Variants in PAX8 observed in about 807,000 individuals in gnomAD.
The protein encoded by PAX8 is paired box protein Pax-8.
In PAX8, 15 loss-of-function variants were observed where a neutral mutation model predicts 52.4. The observed-to-expected ratio is 0.29, with a 90% confidence interval of 0.19 to 0.44. PAX8 has a LOEUF of 0.44. Among genes scored for constraint, PAX8 ranks in the 20% least tolerant of loss-of-function variants. The pLI is 1.00. For missense variants in PAX8, 554 were observed against 602.5 expected, an observed-to-expected ratio of 0.92 and a Z score of 0.84; for synonymous variants, 284 against 249.7, an observed-to-expected ratio of 1.14 and a Z score of -1.29.
chr2:113,226,660 A>G, intron 10 of PAX8: 4 of 1,088,004 alleles, frequency 3.7e-6, no homozygotes, highest in South Asian at 2.7e-5. Context: ...CATCATCATC[A>G]TCGTCATCGT....
chr2:113,235,374 C>T lies in PAX8; in HGVS notation c.1087+20G>A, dbSNP rs1573435266. 6.4e-7 allele frequency: 1 copy of T among 1,552,932 alleles called. No homozygotes were observed. Among genetic ancestry groups the T allele is most frequent in the Admixed American group, 1.9e-5 (1 of 51,402 alleles). On this transcript the variant is annotated intron_variant, in intron 9 of 11. Coordinates refer to ENST00000429538, the MANE Select transcript of PAX8 (RefSeq NM_003466.4). Reference sequence around the variant, plus strand: ...CACCCGCCGCCATAGCTGCATGGCCCCGGGACCTCCCTGTCGTACCTGAGA... The same window carrying T: ...CACCCGCCGCCATAGCTGCATGGCCTCGGGACCTCCCTGTCGTACCTGAGA...
At chr2:113,233,415 C>T (rs1478246419) in intron 9 of PAX8, among the ~76,000 whole-genome samples, 2 of 151,318 alleles carry the variant, frequency 1.3e-5, no homozygotes, top group Non-Finnish European at 2.9e-5. Flanking sequence ...GGTGCAGTGG[C>T]TCACACCTGT....
chr2:113,237,570 C>T (rs779036064), intron 7 of PAX8: 1 of 152,144 alleles, frequency 6.6e-6, no homozygotes, highest in African/African-American at 2.4e-5. Context: ...TGTCAAGTAC[C>T]TGGGGGTCTT....
At chr2:113,260,384 G>A (rs1692579127) in intron 2 of PAX8, among the ~76,000 whole-genome samples, 1 of 151,942 alleles carries the variant, frequency 6.6e-6, no homozygotes, top group African/African-American at 2.4e-5. Context: ...TGTGTGTTGG[G>A]GATGGGGATG....
chr2:113,266,603 C>T (rs1239674693), intron 2 of PAX8: 3 of 152,216 alleles, frequency 2.0e-5, no homozygotes, highest in African/African-American at 7.2e-5. Context: ...TCCAGCCTCA[C>T]GTCAGCTGGA....
Position 113,227,254 on chromosome 2 carries a change from G to A in PAX8, c.1090C>T (p.Arg364Ter). Residue 364 changes from arginine to a stop codon, truncating the protein, a stop_gained and splice_region_variant, in exon 10 of 12, where the codon CGA becomes TGA. Coordinates refer to ENST00000429538, the MANE Select transcript of PAX8 (RefSeq NM_003466.4). LOFTEE classifies it high-confidence loss of function. ...GGCAGCGTGGGCCCCACCATCTCTC[G>A]CCCTGGAAAAATACAGCAAAGAGTC... ...QFTGQALLSG[R>*]EMVGPTLPGY... 1 of 1,607,342 alleles carries A rather than the reference G, an allele frequency of 6.2e-7. No individual in the cohort carries two copies. Among genetic ancestry groups the A allele is most frequent in the Non-Finnish European group, 8.5e-7 (1 of 1,177,312 alleles).
chr2:113,259,953 G>C (rs561056137), intron 2 of PAX8, among the ~76,000 whole-genome samples: 2 of 152,194 alleles, frequency 1.3e-5, no homozygotes, highest in African/African-American at 2.4e-5. Flanking sequence ...CCGAACACGC[G>C]TTTAGATGCT....
chr2:113,265,257 A>G (rs1692972691), intron 2 of PAX8, among the ~76,000 whole-genome samples: 1 of 152,248 alleles, frequency 6.6e-6, no homozygotes, highest in Non-Finnish European at 1.5e-5. Context: ...CAAGAAGGAT[A>G]TGAAAACTGC....
chr2:113,265,049 G>A (rs1302146261), intron 2 of PAX8, among the ~76,000 whole-genome samples: 1 of 152,236 alleles, frequency 6.6e-6, no homozygotes, highest in Non-Finnish European at 1.5e-5. Context: ...GAAGTGCAAG[G>A]AGAAATCTGA....
At chr2:113,271,555 G>A (rs938645181) in intron 2 of PAX8, 2 of 151,748 alleles carry the variant, frequency 1.3e-5, no homozygotes, top group African/African-American at 4.9e-5. Context: ...GGAAAGGGGT[G>A]TATTTTAATT....
intron 8 of PAX8, 40 bp downstream of exon 8, chr2:113,236,561 C>T (rs1278810794): frequency 6.5e-7 from 1 of 1,543,512 alleles, no homozygotes; most frequent in Admixed American, 2.0e-5. Context: ...CTCTTCAGTC[C>T]CCCGCCCTCC....
At chr2:113,253,529 C>T (rs1251463725) in intron 2 of PAX8, among the ~76,000 whole-genome samples, 2 of 152,230 alleles carry the variant, frequency 1.3e-5, no homozygotes, top group Admixed American at 6.5e-5. Flanking sequence ...GCACTGTCAT[C>T]GGTCTTCTGC....
intron 10 of PAX8, chr2:113,226,027 G>A (rs957584022): frequency 4.1e-6 from 4 of 985,574 alleles, no homozygotes; most frequent in Admixed American, 6.1e-5. Flanking sequence ...TAAGCACATC[G>A]CCACGGTAAC....
chr2:113,275,243 T>C (rs1693719225), intron 2 of PAX8: 1 of 152,222 alleles, frequency 6.6e-6, no homozygotes, highest in Non-Finnish European at 1.5e-5. Flanking sequence ...AAAAAGATAC[T>C]TATCTTAAAA....
intron 2 of PAX8, chr2:113,267,872 C>T (rs1164162312): frequency 6.6e-6 from 1 of 152,150 alleles, no homozygotes; most frequent in African/African-American, 2.4e-5. Context: ...ATGTATATGT[C>T]TGTGAGTACT....
In PAX8 at chr2:113,235,497, G is replaced by A. The variant is rs539280601; in HGVS notation, c.984C>T (p.Ala328=). The A allele has an allele frequency of 2.0e-5, 33 of 1,613,936 alleles. 2 individuals carry two copies. The South Asian group carries it at 3.5e-4, about 17-fold the overall frequency. Residue 328 remains alanine (A), a synonymous_variant, in exon 9 of 12, where the codon GCC becomes GCT. Coordinates refer to ENST00000429538, the MANE Select transcript of PAX8 (RefSeq NM_003466.4). ...AGCCGACTTGCTGCAGATCCAAAAA[G>A]GCGGAGCTAGATAAAGAGGAAGGGG... ...SSTPSSLSSS[A]FLDLQQVGSG...
chr2:113,230,509 C>T (rs1689828551), intron 9 of PAX8: 8 of 152,164 alleles, frequency 5.3e-5, no homozygotes, highest in Admixed American at 5.2e-4. Flanking sequence ...TCTTCATCTC[C>T]CCTCAGTCAC....
At chr2:113,247,761 A>G (rs183609127) in intron 2 of PAX8, among the ~76,000 whole-genome samples, 13 of 152,350 alleles carry the variant, frequency 8.5e-5, no homozygotes, top group African/African-American at 1.9e-4. Flanking sequence ...AGTGCTAACT[A>G]TGTGCCACGC....
At chr2:113,229,825 G>C (rs1360380958) in intron 9 of PAX8, among the ~76,000 whole-genome samples, 1 of 152,206 alleles carries the variant, frequency 6.6e-6, no homozygotes, top group Non-Finnish European at 1.5e-5. Context: ...AAGTCTGTGA[G>C]AGCAGGAGGA....
Sources: gnomAD v4.1 joint callset for allele counts (sites outside exome capture counted in the v4.1 genomes callset) on GRCh38, gnomAD v4.1.1 for gene constraint, MANE v1.5 for transcripts, NCBI Gene and HGNC (gene_info 2026-07-23, HGNC 2026-07-21) for gene names.